Variants in TTC7B observed in about 807,000 individuals in gnomAD.
TTC7B encodes tetratricopeptide repeat domain 7B, also known as tetratricopeptide repeat protein 7B.
A neutral mutation model predicts 106.8 loss-of-function variants in TTC7B; 28 were observed. The observed-to-expected ratio is 0.26, with a 90% confidence interval of 0.19 to 0.36. The LOEUF (loss-of-function observed/expected upper bound fraction) is 0.36. TTC7B is among the 10% of genes least tolerant of loss of function. The probability of loss-of-function intolerance (pLI) is 1.00; values close to 1 mark genes in which losing one functional copy is unlikely to be tolerated. For synonymous variants in TTC7B, 405 were observed against 430.6 expected (o/e 0.94, Z 0.74); for missense variants, 862 against 1,076.4 (o/e 0.80, Z 2.79).
At chr14:90,707,297 C>A (rs888183448) in intron 5 of TTC7B, among the ~76,000 whole-genome samples, 3 of 152,100 alleles carry the variant, frequency 2.0e-5, no homozygotes, top group Non-Finnish European at 4.4e-5. Context: ...GTATATGTGC[C>A]CCACTGACCA....
chr14:90,715,484 C>G (rs776015066), intron 5 of TTC7B, among the ~76,000 whole-genome samples: 2 of 151,954 alleles, frequency 1.3e-5, no homozygotes, highest in Non-Finnish European at 2.9e-5. Flanking sequence ...TTTATCAAAC[C>G]CTTACATAGT....
intron 3 of TTC7B, among the ~76,000 whole-genome samples, chr14:90,765,655 G>C (rs1196253874): frequency 6.6e-6 from 1 of 152,190 alleles, no homozygotes; most frequent in Non-Finnish European, 1.5e-5. Context: ...GGGAAAGCTT[G>C]ATGGTAAATT....
intron 12 of TTC7B, 76 bp downstream of exon 12, chr14:90,654,917 T>C (rs1885881595): frequency 8.5e-7 from 1 of 1,181,614 alleles, no homozygotes; most frequent in African/African-American, 1.5e-5. Flanking sequence ...AGAAGGGGAC[T>C]GTGGGAATCC....
At chr14:90,747,544 C>T (rs898095442) in intron 3 of TTC7B, among the ~76,000 whole-genome samples, 1 of 152,260 alleles carries the variant, frequency 6.6e-6, no homozygotes, top group Admixed American at 6.5e-5. Context: ...TTGTTTCTGA[C>T]CCTGTATATG....
In TTC7B at chr14:90,577,733, G is replaced by C. The variant is rs1014679425; in HGVS notation, c.2310+373C>G. Among the ~76,000 whole-genome samples the C allele has an allele frequency of 6.6e-6, 1 of 152,228 alleles. No homozygotes were observed. Among genetic ancestry groups the C allele is most frequent in the African/African-American group, 2.4e-5 (1 of 41,456 alleles). ...TCATCCTGAAGTCTCCCCGGGATGT[G>C]GAAACCCCCGAAGGTGGCTACTGCA... is the stretch of plus-strand genomic sequence containing the variant. On this transcript the variant is annotated intron_variant, in intron 19 of 19. Transcript: ENST00000328459. The surrounding 1 kb of genome is among the most constrained non-coding windows in gnomAD (Gnocchi z 5.0).
chr14:90,677,279 G>T (rs1329177467), intron 8 of TTC7B, among the ~76,000 whole-genome samples: 1 of 152,168 alleles, frequency 6.6e-6, no homozygotes, highest in South Asian at 2.1e-4. Context: ...GAGAAAACAA[G>T]AAGAAAGCAG....
intron 1 of TTC7B, among the ~76,000 whole-genome samples, chr14:90,798,454 C>T (rs990959623): frequency 1.3e-5 from 2 of 152,032 alleles, no homozygotes; most frequent in African/African-American, 4.8e-5. Flanking sequence ...AAACAATAGG[C>T]CGGACTAGGT....
chr14:90,791,880 A>G (rs1406450667), intron 1 of TTC7B, among the ~76,000 whole-genome samples: 4 of 151,968 alleles, frequency 2.6e-5, no homozygotes. Flanking sequence ...TTCTATCCTG[A>G]TCTACTTTCT....
rs114607995 is a variant in TTC7B, at chr14:90,779,065, C to T, written c.445+1673G>A. Reference sequence around the variant, plus strand: ...GCTGGAGGGACGCGCCACCCAGGGCCCTGGTCTCTGCCAGCCACAGTCAGT... The same window carrying T: ...GCTGGAGGGACGCGCCACCCAGGGCTCTGGTCTCTGCCAGCCACAGTCAGT... On this transcript the variant is annotated intron_variant, in intron 3 of 19. Coordinates refer to ENST00000328459, the MANE Select transcript of TTC7B (RefSeq NM_001010854.2). 3.8e-3 allele frequency among the ~76,000 whole-genome samples: 576 copies of T among 152,306 alleles called. 6 individuals carry two copies. Among genetic ancestry groups the T allele is most frequent in the African/African-American group, 0.013 (549 of 41,584 alleles).
chr14:90,680,169 A>C, intron 8 of TTC7B, among the ~76,000 whole-genome samples: 1 of 152,224 alleles, frequency 6.6e-6, no homozygotes, highest in East Asian at 1.9e-4. Context: ...TGGTTTACCT[A>C]GATACAACTG....
intron 1 of TTC7B, among the ~76,000 whole-genome samples, chr14:90,792,624 A>G (rs1258642032): frequency 1.3e-5 from 2 of 152,116 alleles, no homozygotes; most frequent in Admixed American, 1.3e-4. Context: ...CGGTGCAGGA[A>G]AATGATCAAC....
At chr14:90,712,463 A>T (rs894878878) in intron 5 of TTC7B, among the ~76,000 whole-genome samples, 4 of 152,252 alleles carry the variant, frequency 2.6e-5, no homozygotes, top group Non-Finnish European at 5.9e-5. Flanking sequence ...CAACATCCAT[A>T]TATAAAAATC....
intron 5 of TTC7B, among the ~76,000 whole-genome samples, chr14:90,714,578 T>A (rs765713028): frequency 2.8e-4 from 43 of 151,866 alleles, no homozygotes; most frequent in Non-Finnish European, 5.6e-4. Flanking sequence ...TGCCTCAGCC[T>A]CTCGAGTACT....
intron 6 of TTC7B, among the ~76,000 whole-genome samples, chr14:90,692,642 T>C (rs1887521223): frequency 6.6e-6 from 1 of 152,200 alleles, no homozygotes. Context: ...CGAAAACACT[T>C]GCCAATTCAG....
chr14:90,588,504 G>A (rs540533539), intron 18 of TTC7B, among the ~76,000 whole-genome samples: 1 of 152,140 alleles, frequency 6.6e-6, no homozygotes, highest in African/African-American at 2.4e-5. Flanking sequence ...AGTGCTGAAG[G>A]GCTGTGGACA....
intron 17 of TTC7B, among the ~76,000 whole-genome samples, chr14:90,603,783 T>A (rs1315139083): frequency 1.3e-5 from 2 of 152,218 alleles, no homozygotes; most frequent in African/African-American, 4.8e-5. Context: ...GGACTTAAAA[T>A]CATTACAATT....
intron 5 of TTC7B, among the ~76,000 whole-genome samples, chr14:90,705,914 A>G (rs2139960563): frequency 6.6e-6 from 1 of 152,184 alleles, no homozygotes; most frequent in East Asian, 1.9e-4. Context: ...ACTGGCTAGA[A>G]AACTGCACAT....
At chr14:90,605,143 T>C (rs1892587950) in intron 17 of TTC7B, among the ~76,000 whole-genome samples, 1 of 152,184 alleles carries the variant, frequency 6.6e-6, no homozygotes. Flanking sequence ...CATGGTAAAG[T>C]TTGAGAACCA....
chr14:90,769,662 G>A (rs555566708), intron 3 of TTC7B, among the ~76,000 whole-genome samples: 7 of 152,250 alleles, frequency 4.6e-5, no homozygotes, highest in South Asian at 4.1e-4. Context: ...CCAGCTACTC[G>A]GGAGGCTGAG....
Sources: allele counts gnomAD v4.1 joint callset (sites outside exome capture counted in the v4.1 genomes callset), GRCh38; gene constraint gnomAD v4.1.1; non-coding constraint Gnocchi (gnomAD v3.1); transcripts MANE v1.5; gene names NCBI Gene and HGNC (gene_info 2026-07-23, HGNC 2026-07-21).